Variants in CTNNA3 observed in about 807,000 individuals in gnomAD.
CTNNA3 encodes catenin alpha 3.
CTNNA3 carries 76 observed loss-of-function variants against 95.7 expected under a neutral mutation model. The ratio of observed to expected loss-of-function variants is 0.79; its 90% CI spans 0.66 to 0.96. CTNNA3 has a LOEUF of 0.96. Among genes scored for constraint, CTNNA3 ranks in the 40% least tolerant of loss-of-function variants. CTNNA3 has a pLI of 0.00. For synonymous variants in CTNNA3, 431 were observed against 374.4 expected (o/e 1.15, Z -1.74); for missense variants, 1,191 against 1,089.8 (o/e 1.09, Z -1.31).
At chr10:66,278,668 A>G (rs921274989) in intron 13 of CTNNA3, among the ~76,000 whole-genome samples, 6 of 145,410 alleles carry the variant, frequency 4.1e-5, no homozygotes, top group Admixed American at 2.9e-4. Flanking sequence ...AAGCTATAAG[A>G]TGTTTTTTTC....
At chr10:67,088,961 G>A (rs1275568809) in intron 7 of CTNNA3, among the ~76,000 whole-genome samples, 1 of 151,784 alleles carries the variant, frequency 6.6e-6, no homozygotes, top group Non-Finnish European at 1.5e-5. Flanking sequence ...AATACGAATA[G>A]AACAATACAG....
At chr10:66,852,353 A>G (rs939355965) in intron 7 of CTNNA3, among the ~76,000 whole-genome samples, 5 of 152,278 alleles carry the variant, frequency 3.3e-5, no homozygotes, top group African/African-American at 1.2e-4. Flanking sequence ...GATTATACAA[A>G]TATTTGTTAT....
chr10:67,007,186 T>C (rs1478974627), intron 7 of CTNNA3, among the ~76,000 whole-genome samples: 1 of 152,184 alleles, frequency 6.6e-6, no homozygotes, highest in African/African-American at 2.4e-5. Context: ...CTAAACCAGA[T>C]TTTACCTTCA....
At chr10:66,920,611 T>C (rs1259397061) in intron 7 of CTNNA3, among the ~76,000 whole-genome samples, 1 of 152,180 alleles carries the variant, frequency 6.6e-6, no homozygotes, top group Non-Finnish European at 1.5e-5. Flanking sequence ...TAAAAATATA[T>C]CATGGTGCTT....
intron 10 of CTNNA3, among the ~76,000 whole-genome samples, chr10:66,533,956 T>C (rs1841559141): frequency 6.6e-6 from 1 of 152,132 alleles, no homozygotes; most frequent in Non-Finnish European, 1.5e-5. Context: ...ATTTTATTTA[T>C]AACTCTGCAG....
At chr10:66,413,637 C>T (rs117414350) in intron 11 of CTNNA3, among the ~76,000 whole-genome samples, 51 of 152,198 alleles carry the variant, frequency 3.4e-4, no homozygotes, top group Middle Eastern at 3.4e-3. Context: ...TGTCTTAATA[C>T]CACTAATGTA....
chr10:67,687,349 C>T (rs1374692322), intron 1 of CTNNA3, among the ~76,000 whole-genome samples: 2 of 152,138 alleles, frequency 1.3e-5, no homozygotes. Flanking sequence ...TGATTGCCTC[C>T]GCATAGTGGA....
intron 2 of CTNNA3, among the ~76,000 whole-genome samples, chr10:67,611,463 G>A (rs1002555662): frequency 1.3e-5 from 2 of 151,960 alleles, no homozygotes; most frequent in African/African-American, 2.4e-5. Flanking sequence ...ACAGGCACCT[G>A]CCACCACGCC....
intron 13 of CTNNA3, among the ~76,000 whole-genome samples, chr10:66,236,141 GA>G (rs941505417): frequency 6.6e-6 from 1 of 152,072 alleles, no homozygotes; most frequent in Non-Finnish European, 1.5e-5. Flanking sequence ...AGTAAGAATG[GA>G]AAAACAAAGG....
intron 11 of CTNNA3, among the ~76,000 whole-genome samples, chr10:66,464,767 T>TAA (rs58971885): frequency 0.028 from 3,832 of 137,942 alleles, 178 homozygotes; most frequent in East Asian, 0.2. Flanking sequence ...TCTCAAAAAA[T>TAA]AAAAAAAAAA....
At chr10:66,748,019 T>C (rs576792647) in intron 9 of CTNNA3, among the ~76,000 whole-genome samples, 3 of 152,278 alleles carry the variant, frequency 2.0e-5, no homozygotes, top group Admixed American at 6.5e-5. Flanking sequence ...TGACAGTCCA[T>C]TTCTTAAAGA....
chr10:66,276,697 C>T (rs987145300), intron 13 of CTNNA3, among the ~76,000 whole-genome samples: 2 of 152,070 alleles, frequency 1.3e-5, no homozygotes, highest in Non-Finnish European at 2.9e-5. Context: ...TGTTGCTCTA[C>T]AAGCATGCTT....
intron 17 of CTNNA3, among the ~76,000 whole-genome samples, chr10:65,954,406 C>G (rs944776108): frequency 1.3e-5 from 2 of 152,210 alleles, no homozygotes; most frequent in Non-Finnish European, 2.9e-5. Context: ...TCCCATTCAT[C>G]TATTTTGGCT....
intron 11 of CTNNA3, among the ~76,000 whole-genome samples, chr10:66,445,664 G>A (rs969601054): frequency 3.8e-4 from 58 of 151,832 alleles, no homozygotes; most frequent in Admixed American, 2.7e-3. Context: ...TCTGGGACAC[G>A]TTCAAAGCAG....
intron 1 of CTNNA3, among the ~76,000 whole-genome samples, chr10:67,677,474 A>C (rs1589559576): frequency 6.6e-6 from 1 of 152,152 alleles, no homozygotes; most frequent in African/African-American, 2.4e-5. Flanking sequence ...CATGAATTAT[A>C]AACAAGGAAA....
intron 11 of CTNNA3, among the ~76,000 whole-genome samples, chr10:66,447,581 T>A (rs900848195): frequency 3.3e-5 from 5 of 152,096 alleles, no homozygotes; most frequent in Non-Finnish European, 7.4e-5. Flanking sequence ...GGGAAAGCAT[T>A]CCCTATTTAA....
rs191944296 is a variant in CTNNA3 at position 66,638,071 on chromosome 10, G to A, written c.1282-16287C>T. 6.6e-5 allele frequency among the ~76,000 whole-genome samples: 10 copies of A among 152,252 alleles called. No individual in the cohort carries two copies. The East Asian group carries it at 1.7e-3, about 27-fold the overall frequency. On this transcript the variant is annotated intron_variant, in intron 9 of 17. Coordinates refer to ENST00000433211, the MANE Select transcript of CTNNA3 (RefSeq NM_013266.4). Reference sequence around the variant, plus strand: ...TCACCTTCCACCACTGGAAGAACAAGACAAGACTGTCAGCTGCGTCACTTC... The same window carrying A: ...TCACCTTCCACCACTGGAAGAACAAAACAAGACTGTCAGCTGCGTCACTTC...
chr10:66,746,200 C>G (rs10740257), intron 9 of CTNNA3, among the ~76,000 whole-genome samples: 1 of 151,864 alleles, frequency 6.6e-6, no homozygotes, highest in South Asian at 2.1e-4. Flanking sequence ...CAAATGCTAA[C>G]AAATAATACT....
rs138211785 is a variant in CTNNA3, at chr10:66,579,088, A to G, written c.1374+42604T>C. On this transcript the variant is annotated intron_variant, in intron 10 of 17. Transcript: ENST00000433211. ...TGGGAGGGTGAATTTCCAGGAATTT[A>G]TCAATTTCTTTCAGTTTTTCTAGTT... is the stretch of plus-strand genomic sequence containing the variant. Among the ~76,000 whole-genome samples, 672 of 151,068 alleles carry G rather than the reference A, an allele frequency of 4.4e-3. 6 individuals are homozygous for G. The highest frequency in any genetic ancestry group is 0.013 in the African/African-American group (535 of 41,190).
Sources: gnomAD v4.1 joint callset for allele counts (sites outside exome capture counted in the v4.1 genomes callset) on GRCh38, gnomAD v4.1.1 for gene constraint, MANE v1.5 for transcripts, NCBI Gene and HGNC (gene_info 2026-07-23, HGNC 2026-07-21) for gene names.